The following OPCML variants were observed in gnomAD, a reference collection of about 807,000 sequenced individuals.
The protein encoded by OPCML is opioid binding protein/cell adhesion molecule like, also known as opioid-binding protein/cell adhesion molecule.
OPCML carries 13 observed loss-of-function variants against 37.8 expected under a neutral mutation model. That is an observed-to-expected ratio of 0.34 (90% CI 0.22 to 0.55). OPCML has a LOEUF of 0.55. OPCML is among the 20% of genes least tolerant of loss of function. OPCML has a pLI of 0.91. For missense variants in OPCML, 341 were observed against 435.6 expected (o/e 0.78, Z 1.93); for synonymous variants, 176 against 168.8 (o/e 1.04, Z -0.33).
intron 2 of OPCML, among the ~76,000 whole-genome samples, chr11:132,870,371 C>T (rs1173112814): frequency 2.0e-5 from 3 of 152,038 alleles, no homozygotes; most frequent in East Asian, 3.9e-4. Flanking sequence ...CACATGTTGG[C>T]CAGTGTGTGA....
chr11:133,314,680 T>C (rs994593086), intron 1 of OPCML, among the ~76,000 whole-genome samples: 3 of 152,180 alleles, frequency 2.0e-5, no homozygotes, highest in Non-Finnish European at 4.4e-5. Flanking sequence ...TGATGTTGAC[T>C]TTATCAGCAG....
At chr11:133,082,573 CCT>C (rs1948747196) in intron 1 of OPCML, among the ~76,000 whole-genome samples, 2 of 129,438 alleles carry the variant, frequency 1.5e-5, no homozygotes, top group African/African-American at 5.9e-5. Context: ...CCCCTCCTCT[CCT>C]CCTCATCCTC....
At chr11:132,478,538 T>A (rs994995179) in intron 4 of OPCML, among the ~76,000 whole-genome samples, 1 of 152,106 alleles carries the variant, frequency 6.6e-6, no homozygotes, top group African/African-American at 2.4e-5. Context: ...TAAGCAAAAA[T>A]CTAACAGCAA....
chr11:133,364,369 C>G (rs968302074), intron 1 of OPCML, among the ~76,000 whole-genome samples: 2 of 152,208 alleles, frequency 1.3e-5, no homozygotes, highest in African/African-American at 4.8e-5. Context: ...TACACATTAA[C>G]AGAGCAGTAG....
intron 1 of OPCML, among the ~76,000 whole-genome samples, chr11:133,056,520 T>C (rs1948242212): frequency 6.6e-6 from 1 of 152,192 alleles, no homozygotes; most frequent in African/African-American, 2.4e-5. Context: ...TAAAATTAAC[T>C]AGTTATTTCA....
intron 2 of OPCML, among the ~76,000 whole-genome samples, chr11:132,758,755 T>C (rs548868900): frequency 2.0e-5 from 3 of 152,222 alleles, no homozygotes; most frequent in Admixed American, 1.3e-4. Flanking sequence ...AACGGAGACA[T>C]TTTGACTTCT....
intron 1 of OPCML, chr11:133,532,043 G>A (rs910505984): frequency 7.1e-6 from 2 of 282,570 alleles, no homozygotes; most frequent in Non-Finnish European, 1.1e-5. Context: ...TGGATCCCCC[G>A]GAACAGAGAG....
At position 133,075,069 on chromosome 11, in the gene OPCML, C is replaced by A. The variant is rs60425953; in HGVS notation, c.62-132059G>T. Among the ~76,000 whole-genome samples the A allele has an allele frequency of 7.8e-3, 1,190 of 152,288 alleles. 14 individuals carry two copies. Among genetic ancestry groups the A allele is most frequent in the African/African-American group, 0.025 (1,036 of 41,570 alleles). On this transcript the variant is annotated intron_variant, in intron 1 of 7. Coordinates refer to ENST00000524381, the MANE Select transcript of OPCML (RefSeq NM_001012393.5). ...GCGTGCAGTGGACGTCAGCCTCTCACGCGTCCCCACCCTGCCCTGTCAGCG... is the reference window on the plus strand; with the variant it reads ...GCGTGCAGTGGACGTCAGCCTCTCAAGCGTCCCCACCCTGCCCTGTCAGCG...
At chr11:132,978,796 C>T (rs1226604549) in intron 1 of OPCML, among the ~76,000 whole-genome samples, 1 of 151,670 alleles carries the variant, frequency 6.6e-6, no homozygotes, top group African/African-American at 2.4e-5. Flanking sequence ...GTAGATTATA[C>T]ATGTGTATAT....
chr11:132,834,618 CTG>C (rs1359448513), intron 2 of OPCML, among the ~76,000 whole-genome samples: 1 of 152,228 alleles, frequency 6.6e-6, no homozygotes, highest in Non-Finnish European at 1.5e-5. Context: ...CCCTCTGAGT[CTG>C]TGTCTTCACA....
chr11:133,103,427 GAAC>G (rs574197849), intron 1 of OPCML, among the ~76,000 whole-genome samples: 223 of 152,276 alleles, frequency 1.5e-3, no homozygotes, highest in African/African-American at 5.1e-3. Context: ...TCAATAGCCT[GAAC>G]AATGCTTTGC....
chr11:132,586,403 A>T (rs1483625661), intron 3 of OPCML, among the ~76,000 whole-genome samples: 1 of 152,212 alleles, frequency 6.6e-6, no homozygotes, highest in Non-Finnish European at 1.5e-5. Context: ...AACTTAACCA[A>T]ATAGTAACTC....
At chr11:133,352,093 T>G (rs2136694320) in intron 1 of OPCML, among the ~76,000 whole-genome samples, 1 of 152,338 alleles carries the variant, frequency 6.6e-6, no homozygotes, top group African/African-American at 2.4e-5. Context: ...TAATCAATTC[T>G]TCAACTATCA....
intron 1 of OPCML, among the ~76,000 whole-genome samples, chr11:133,034,321 G>GTA (rs747011785): frequency 1.5e-4 from 23 of 151,700 alleles, no homozygotes; most frequent in Non-Finnish European, 2.7e-4. Context: ...GTGTGTGTGT[G>GTA]TGTGTGTGTG....
intron 1 of OPCML, among the ~76,000 whole-genome samples, chr11:133,323,492 AG>A (rs532472092): frequency 4.1e-4 from 63 of 152,324 alleles, no homozygotes; most frequent in African/African-American, 1.5e-3. Flanking sequence ...CCCAGAGAAA[AG>A]CAGCTGTCCT....
intron 2 of OPCML, among the ~76,000 whole-genome samples, chr11:132,926,689 A>G (rs985106173): frequency 1.3e-5 from 2 of 152,096 alleles, no homozygotes; most frequent in South Asian, 4.1e-4. Flanking sequence ...ACAGTAAAAT[A>G]TGCCCCATTC....
At chr11:133,503,272 A>G (rs1394940327) in intron 1 of OPCML, among the ~76,000 whole-genome samples, 1 of 152,198 alleles carries the variant, frequency 6.6e-6, no homozygotes, top group Non-Finnish European at 1.5e-5. Context: ...CTGTGGAACC[A>G]TCACTACCTT....
intron 2 of OPCML, among the ~76,000 whole-genome samples, chr11:132,870,920 A>G (rs534701041): frequency 5.9e-5 from 9 of 152,362 alleles, no homozygotes; most frequent in African/African-American, 2.2e-4. Flanking sequence ...GCTTATGAAC[A>G]TGTTGTTCAA....
At chr11:132,836,986 A>G (rs1941041672) in intron 2 of OPCML, among the ~76,000 whole-genome samples, 1 of 152,214 alleles carries the variant, frequency 6.6e-6, no homozygotes, top group South Asian at 2.1e-4. Flanking sequence ...AAAGTGCGTG[A>G]GACCAAAAAA....
Sources: gnomAD v4.1 joint callset for allele counts (sites outside exome capture counted in the v4.1 genomes callset) on GRCh38, gnomAD v4.1.1 for gene constraint, MANE v1.5 for transcripts, NCBI Gene and HGNC (gene_info 2026-07-23, HGNC 2026-07-21) for gene names.